ANKZF1: variants seen among roughly 807,000 people sequenced by gnomAD.
The protein encoded by ANKZF1 is tRNA endonuclease ANKZF1.
Under a neutral mutation model 86.0 loss-of-function variants are expected in ANKZF1, and 84 were observed. That is an observed-to-expected ratio of 0.98 (90% CI 0.82 to 1.17). ANKZF1 has a LOEUF of 1.17. Ranked by LOEUF, ANKZF1 falls within the 50% of genes most tolerant of loss-of-function variation. The pLI is 0.00. For missense variants in ANKZF1, 893 were observed against 918.4 expected (o/e 0.97, Z 0.36); for synonymous variants, 331 against 354.2 (o/e 0.93, Z 0.74).
At chr2:219,235,424 G>A (rs1480930337) in intron 10 of ANKZF1, 50 bp from the exon 11 acceptor site, 2 of 1,607,784 alleles carry the variant, frequency 1.2e-6, no homozygotes, top group Admixed American at 1.7e-5. Context: ...GGGTGATGTT[G>A]GGAAAGGCAG....
In ANKZF1 at chr2:219,233,755, C is replaced by T. The variant is rs781043448; in HGVS notation, c.860C>T (p.Ala287Val). ...CTGGCAGGGCCAAGCTGGGCTAAGG[C>T]GCTGGAGGAGGCTGGTACAATACTG... ...DLLAGPSWAK[A>V]LEEAGTILLR... The change falls in exon 8 of 14, where the codon GCG becomes GTG. Residue 287 changes from alanine (A) to valine (V), a missense_variant. Ala to Val is a moderately conservative substitution (Grantham distance 64). Coordinates refer to ENST00000323348, the MANE Select transcript of ANKZF1 (RefSeq NM_018089.3). 3.1e-5 allele frequency: 50 copies of T among 1,614,014 alleles called. 1 individual carries two copies. The highest frequency in any genetic ancestry group is 1.7e-4 in the Middle Eastern group (1 of 6,044).
At chr2:219,235,374 G>A in intron 10 of ANKZF1, 62 bp downstream of exon 10, 1 of 1,595,986 alleles carries the variant, frequency 6.3e-7, no homozygotes, top group Non-Finnish European at 8.6e-7. Context: ...GGAGGTTAAA[G>A]TTGGCATTGG....
chr2:219,230,329 G>A lies in ANKZF1; in HGVS notation c.72G>A (p.Pro24=). 4.3e-6 allele frequency: 7 copies of A among 1,614,066 alleles called. No individual in the cohort carries two copies. The highest frequency in any genetic ancestry group is 5.9e-6 in the Non-Finnish European group (7 of 1,179,978). Residue 24 remains proline (P), a synonymous_variant, in exon 2 of 14, where the codon CCG becomes CCA. Transcript: ENST00000323348. ...TGTTTGACCTCAGCGCGGATGCTCCGGTCTTTCAGGGCCTGAGCCTGGTGA... is the reference window on the plus strand; with the variant it reads ...TGTTTGACCTCAGCGCGGATGCTCCAGTCTTTCAGGGCCTGAGCCTGGTGA... The part of the protein sequence containing the change: ...ISLFDLSADA[P]VFQGLSLVSH...
intron 4 of ANKZF1, 36 bp from the exon 5 acceptor site, chr2:219,232,454 T>C: frequency 2.5e-6 from 4 of 1,611,918 alleles, no homozygotes; most frequent in Non-Finnish European, 2.5e-6. Flanking sequence ...AAAAATGGGG[T>C]ACCAAACTTG....
At chr2:219,235,381 T>C (rs1951178908) in intron 10 of ANKZF1, 69 bp downstream of exon 10, 2 of 1,595,772 alleles carry the variant, frequency 1.3e-6, no homozygotes, top group African/African-American at 1.3e-5. Context: ...AAAGTTGGCA[T>C]TGGCTACTTG....
In ANKZF1 at chr2:219,235,715, G is replaced by A. The variant is rs376001481; in HGVS notation, c.1811G>A (p.Gly604Glu). The change falls in exon 12 of 14, where the codon GGA becomes GAA. Residue 604 changes from glycine to glutamate, a missense_variant. Gly to Glu is a moderately conservative substitution (Grantham distance 98, BLOSUM62 -2). Transcript: ENST00000323348. ...ATATTTGAAATCCTCCAGGTGCCAG[G>A]ACCATTGACACCAGAAATGGAGGCA... Reference protein sequence around the residue: ...AYDYNKAQVPGPLTPEMEARQ... With the variant: ...AYDYNKAQVPEPLTPEMEARQ... 6.2e-7 allele frequency: 1 copy of A among 1,613,974 alleles called. No individual in the cohort carries two copies. The highest frequency in any genetic ancestry group is 2.2e-5 in the East Asian group (1 of 44,898).
At chr2:219,230,038 C>T in intron 1 of ANKZF1, 138 bp downstream of exon 1, 1 of 486,288 alleles carries the variant, frequency 2.1e-6, no homozygotes, top group Non-Finnish European at 3.6e-6. Context: ...ATGCCTATTT[C>T]ATTCTTTTGT....
chr2:219,233,972 C>T (rs754081664), intron 8 of ANKZF1, 29 bp downstream of exon 8: 33 of 1,544,898 alleles, frequency 2.1e-5, no homozygotes, highest in African/African-American at 4.1e-5. Flanking sequence ...TCCCAATTCC[C>T]TAGACCTTCC....
In ANKZF1 at chr2:219,235,220, C is replaced by T. The variant is rs542260959; in HGVS notation, c.1599C>T (p.Ser533=). The part of the protein sequence containing the change: ...VLSLLSAPLG[S]GGFTLLHAAA... The stretch of plus-strand genomic sequence containing the variant: ...CTCTGCTCAGTGCCCCCTTGGGCTC[C>T]GGTGGCTTTACTCTCCTGCATGCAG... Residue 533 remains serine, a synonymous_variant, in exon 10 of 14, where the codon TCC becomes TCT. Coordinates refer to ENST00000323348, the MANE Select transcript of ANKZF1 (RefSeq NM_018089.3). 48 of 1,613,636 alleles carry T rather than the reference C, an allele frequency of 3.0e-5. No individual in the cohort carries two copies. Among genetic ancestry groups the T allele is most frequent in the Middle Eastern group, 1.6e-4 (1 of 6,084 alleles).
chr2:219,235,723 A>ACACCAGAAATGGTGC lies in ANKZF1; in HGVS notation c.1831_1832insTGCCACCAGAAATGG (p.Met610_Glu611insValProProGluMet). On this transcript the variant is annotated inframe_insertion, in exon 12 of 14. Coordinates refer to ENST00000323348, the MANE Select transcript of ANKZF1 (RefSeq NM_018089.3). ...AATCCTCCAGGTGCCAGGACCATTG[A>ACACCAGAAATGGTGC]CACCAGAAATGGAGGCACGGCAGGC... The ACACCAGAAATGGTGC allele has an allele frequency of 6.2e-7, 1 of 1,614,140 alleles. No homozygotes were observed. Among genetic ancestry groups the ACACCAGAAATGGTGC allele is most frequent in the South Asian group, 1.1e-5 (1 of 91,082 alleles).
chr2:219,235,928 C>T (rs1473864085), intron 12 of ANKZF1, 53 bp downstream of exon 12: 2 of 1,613,640 alleles, frequency 1.2e-6, no homozygotes, highest in Middle Eastern at 1.6e-4. Context: ...GGTCTAACCC[C>T]TTCCCCAGCG....
At chr2:219,230,200 CCT>C (rs1048136257) in intron 1 of ANKZF1, 26 bp from the exon 2 acceptor site, 34 of 1,582,430 alleles carry the variant, frequency 2.1e-5, no homozygotes, top group Non-Finnish European at 2.6e-5. Flanking sequence ...TTGCAGGAGC[CCT>C]GTTTCTTACA....
rs551968755 is a variant in ANKZF1, at chr2:219,236,483, G to C, written c.*38G>C. On this transcript the variant is annotated 3_prime_UTR_variant, in exon 14 of 14. Coordinates refer to ENST00000323348, the MANE Select transcript of ANKZF1 (RefSeq NM_018089.3). ...CTACCTGGGGCCAACTCAGGGACCTGAGAGGGCACATTCACAGCAGCCCTA... is the reference window on the plus strand; with the variant it reads ...CTACCTGGGGCCAACTCAGGGACCTCAGAGGGCACATTCACAGCAGCCCTA... 1.0e-5 allele frequency: 16 copies of C among 1,532,168 alleles called. No homozygotes were observed. In the African/African-American group the frequency reaches 1.7e-4, roughly 16 times the overall value. 94.9% of individuals were successfully genotyped at this position (1,532,168 alleles called of 1,614,324 possible). A position where few individuals can be genotyped will look rare whatever the true frequency, so the allele number is the denominator to read the frequency against.
intron 9 of ANKZF1, 120 bp from the exon 10 acceptor site, chr2:219,234,706 G>C: frequency 7.5e-7 from 1 of 1,336,194 alleles, no homozygotes; most frequent in Non-Finnish European, 1.0e-6. Flanking sequence ...CTCTTGATGT[G>C]CTACTTTTAT....
rs997608095 is a variant in ANKZF1, at chr2:219,232,193, C to A, written c.262-67C>A. 4 of 1,526,358 alleles carry A rather than the reference C, an allele frequency of 2.6e-6. No individual in the cohort carries two copies. In the African/African-American group the frequency reaches 4.1e-5, roughly 16 times the overall value. 94.6% of individuals were successfully genotyped at this position (1,526,358 alleles called of 1,614,324 possible). ...TACTTCCTAGAATACTATAACTGGT[C>A]TTGGCCAGTACAAGGCCAGGCTGGG... is the stretch of plus-strand genomic sequence containing the variant. On this transcript the variant is annotated intron_variant, in intron 3 of 13. Transcript: ENST00000323348.
At position 219,232,539 on chromosome 2, in the gene ANKZF1, G is replaced by C. The variant is rs752324972; in HGVS notation, c.414G>C (p.Glu138Asp). ...SGSEDSDSAS[E>D]EDLQTLDRER... ...CAGAAGACTCAGACTCAGCCAGTGA[G>C]GAGGACTTGCAGACACTGGATCGGG... Residue 138 changes from glutamate (E) to aspartate (D), a missense_variant, in exon 5 of 14, where the codon GAG (glutamate) becomes GAC (aspartate). Glu to Asp is a conservative substitution (Grantham distance 45). Transcript: ENST00000323348. 6.2e-7 allele frequency: 1 copy of C among 1,614,222 alleles called. No individual in the cohort carries two copies. The highest frequency in any genetic ancestry group is 1.1e-5 in the South Asian group (1 of 91,090).
chr2:219,234,549 G>T, intron 9 of ANKZF1: 1 of 644,802 alleles, frequency 1.6e-6, no homozygotes, highest in Non-Finnish European at 2.6e-6. Flanking sequence ...GTTTATCTTT[G>T]ATTGGATGCT....
At position 219,230,394 on chromosome 2, in the gene ANKZF1, C is replaced by T. The variant is rs1222796770; in HGVS notation, c.137C>T (p.Thr46Ile). ...GAGGCTCTGGCCCGGGCTCCGCGTA[C>T]TTCCTGTTCAGGTATCCTGGAAGGT... is the stretch of plus-strand genomic sequence containing the variant. ...PGEALARAPR[T>I]SCSGSGERES... is the part of the protein sequence containing the mutation. The change falls in exon 2 of 14, where the codon ACT (threonine) becomes ATT (isoleucine). Residue 46 changes from threonine (T) to isoleucine (I), a missense_variant. Coordinates refer to ENST00000323348, the MANE Select transcript of ANKZF1 (RefSeq NM_018089.3). The T allele has an allele frequency of 4.3e-6, 7 of 1,609,396 alleles. No individual in the cohort carries two copies. In the South Asian group the frequency reaches 7.7e-5, roughly 18 times the overall value.
intron 2 of ANKZF1, chr2:219,231,319 A>G: frequency 4.5e-6 from 1 of 223,924 alleles, no homozygotes; most frequent in Non-Finnish European, 1.0e-5. Context: ...ACCGACCCCA[A>G]GGCTTTTACC....
Sources: allele counts gnomAD v4.1 joint callset, GRCh38; gene constraint gnomAD v4.1.1; transcripts MANE v1.5; gene names NCBI Gene and HGNC (gene_info 2026-07-23, HGNC 2026-07-21).